TMED10: variants seen among roughly 807,000 people sequenced by gnomAD.
The protein encoded by TMED10 is transmembrane emp24 domain-containing protein 10.
In TMED10, 7 loss-of-function variants were observed where a neutral mutation model predicts 23.1. The ratio of observed to expected loss-of-function variants is 0.30; its 90% CI spans 0.17 to 0.57. The LOEUF is 0.57. Ranked by LOEUF, TMED10 falls within the 20% of genes least tolerant of loss-of-function variation. The pLI, the probability that TMED10 is intolerant of heterozygous loss-of-function variation, is 0.91. For synonymous variants in TMED10, 113 were observed against 106.9 expected (o/e 1.06, Z -0.35); for missense variants, 162 against 274.8 (o/e 0.59, Z 2.90).
chr14:75,134,016 T>C lies in TMED10; in HGVS notation c.*869A>G, dbSNP rs750340136. 4 of 204,870 alleles carry C rather than the reference T, an allele frequency of 2.0e-5. No homozygotes were observed. Among genetic ancestry groups the C allele is most frequent in the Non-Finnish European group, 4.0e-5 (4 of 100,116 alleles). The allele number at this position is 204,870 out of a possible 1,614,324, so 12.7% of individuals were successfully genotyped here. On this transcript the variant is annotated 3_prime_UTR_variant, in exon 5 of 5. Coordinates refer to ENST00000303575, the MANE Select transcript of TMED10 (RefSeq NM_006827.6). ...CCTCGTAAGATTACATTCTGTATGA[T>C]TCCATTCATACAACATTCTTGAAAT...
In TMED10 at chr14:75,151,431, C is replaced by T. The variant is rs150561000; in HGVS notation, c.337+601G>A. Among the ~76,000 whole-genome samples, 1,320 of 152,028 alleles carry T rather than the reference C, an allele frequency of 8.7e-3. 27 individuals carry two copies. The highest frequency in any genetic ancestry group is 0.03 in the African/African-American group (1,257 of 41,458). On this transcript the variant is annotated intron_variant, in intron 2 of 4. Transcript: ENST00000303575. ...ACAGGGTTTCACCATGTTGGCCAGG[C>T]TGGTCTCAAACTCCTAACCTTCAGT...
In TMED10 at chr14:75,166,855, G is replaced by C. The variant is rs979822053; in HGVS notation, c.225+9500C>G. 2.0e-5 allele frequency among the ~76,000 whole-genome samples: 3 copies of C among 151,450 alleles called. No individual in the cohort carries two copies. In the East Asian group the frequency reaches 5.8e-4, roughly 29 times the overall value. On this transcript the variant is annotated intron_variant, in intron 1 of 4. Coordinates refer to ENST00000303575, the MANE Select transcript of TMED10 (RefSeq NM_006827.6). ...GGCCATATTTCTCCCTACAGAAAAA[G>C]TCTGGCATAAGTAAGGGTTCATGGG...
intron 1 of TMED10, among the ~76,000 whole-genome samples, chr14:75,170,404 C>A (rs1156966281): frequency 6.6e-6 from 1 of 152,094 alleles, no homozygotes; most frequent in African/African-American, 2.4e-5. Context: ...AACTAGAATT[C>A]CTTAGAGAAA....
intron 1 of TMED10, among the ~76,000 whole-genome samples, chr14:75,160,821 C>A (rs528675494): frequency 6.6e-6 from 1 of 152,012 alleles, no homozygotes; most frequent in Non-Finnish European, 1.5e-5. Flanking sequence ...TAAGGTGGCA[C>A]GTCATTTGAG....
chr14:75,151,065 C>G (rs991149741), intron 2 of TMED10, among the ~76,000 whole-genome samples: 27 of 151,988 alleles, frequency 1.8e-4, no homozygotes, highest in Admixed American at 6.5e-5. Flanking sequence ...ACCACCACAT[C>G]TGGCTAATTT....
At position 75,166,860 on chromosome 14, in the gene TMED10, G is replaced by A. The variant is rs570343070; in HGVS notation, c.225+9495C>T. Among the ~76,000 whole-genome samples, 7 of 151,954 alleles carry A rather than the reference G, an allele frequency of 4.6e-5. No homozygotes were observed. In the South Asian group the frequency reaches 1.5e-3, roughly 32 times the overall value. On this transcript the variant is annotated intron_variant, in intron 1 of 4. Coordinates refer to ENST00000303575, the MANE Select transcript of TMED10 (RefSeq NM_006827.6). ...TATTTCTCCCTACAGAAAAAGTCTG[G>A]CATAAGTAAGGGTTCATGGGATCGT...
intron 1 of TMED10, among the ~76,000 whole-genome samples, chr14:75,165,403 T>C (rs1222585184): frequency 6.6e-6 from 1 of 152,082 alleles, no homozygotes; most frequent in African/African-American, 2.4e-5. Context: ...AATTTTTGTA[T>C]TTTTAGTAGA....
chr14:75,139,268 A>G, intron 3 of TMED10: 1 of 370,390 alleles, frequency 2.7e-6, no homozygotes, highest in Non-Finnish European at 5.3e-6. Context: ...CCATTTAGTA[A>G]GATCTTTCCA....
At chr14:75,137,850 A>G (rs1192471211) in intron 3 of TMED10, among the ~76,000 whole-genome samples, 1 of 151,892 alleles carries the variant, frequency 6.6e-6, no homozygotes, top group East Asian at 1.9e-4. Context: ...CTGGGATTAC[A>G]GGTGTGTGCC....
intron 1 of TMED10, among the ~76,000 whole-genome samples, chr14:75,165,893 A>C (rs1896154728): frequency 1.3e-5 from 2 of 151,798 alleles, no homozygotes; most frequent in South Asian, 4.2e-4. Flanking sequence ...AGGCACTGGC[A>C]TGATAATGGA....
rs1895961205 is a variant in TMED10, at chr14:75,152,012, A to T, written c.337+20T>A. ...GTTGGAGAAGATTCTTAATCCAGAGAAACACTCTTGATTACTCACCCTTGC... is the reference window on the plus strand; with the variant it reads ...GTTGGAGAAGATTCTTAATCCAGAGTAACACTCTTGATTACTCACCCTTGC... On this transcript the variant is annotated intron_variant, in intron 2 of 4. Coordinates refer to ENST00000303575, the MANE Select transcript of TMED10 (RefSeq NM_006827.6). 1 of 1,588,808 alleles carries T rather than the reference A, an allele frequency of 6.3e-7. No homozygotes were observed. The highest frequency in any genetic ancestry group is 1.3e-5 in the African/African-American group (1 of 74,558).
intron 1 of TMED10, among the ~76,000 whole-genome samples, chr14:75,156,921 GAAAA>G (rs1183135451): frequency 1.4e-5 from 2 of 140,770 alleles, no homozygotes; most frequent in African/African-American, 5.7e-5. Flanking sequence ...TCAAAAAAAA[GAAAA>G]GAAAAGAAAA....
chr14:75,168,904 A>T (rs1027129690), intron 1 of TMED10, among the ~76,000 whole-genome samples: 1 of 152,214 alleles, frequency 6.6e-6, no homozygotes, highest in Non-Finnish European at 1.5e-5. Flanking sequence ...TTTTCATACA[A>T]CTTTTGGTGA....
chr14:75,170,318 T>C (rs368407015), intron 1 of TMED10, among the ~76,000 whole-genome samples: 2 of 152,224 alleles, frequency 1.3e-5, no homozygotes, highest in African/African-American at 4.8e-5. Context: ...ATGTGTTCTG[T>C]GGCTTGCATG....
chr14:75,147,459 G>A (rs1249193456), intron 3 of TMED10: 2 of 609,332 alleles, frequency 3.3e-6, no homozygotes, highest in Non-Finnish European at 5.9e-6. Context: ...CTCCCAAAGT[G>A]CTGGGATTAC....
intron 1 of TMED10, among the ~76,000 whole-genome samples, chr14:75,165,394 A>C (rs528021649): frequency 7.9e-5 from 12 of 152,144 alleles, no homozygotes; most frequent in Admixed American, 2.0e-4. Flanking sequence ...TGCACGGCTA[A>C]TTTTTGTATT....
chr14:75,147,620 C>G, intron 3 of TMED10, 44 bp downstream of exon 3: 2 of 1,603,504 alleles, frequency 1.2e-6, no homozygotes, highest in Non-Finnish European at 1.7e-6. Flanking sequence ...AACCTCACAG[C>G]ATAGCACACT....
Position 75,135,749 on chromosome 14 carries a change from T to C in TMED10, c.538+11A>G. ...GGTCACTTAAGAAGTAAGAGTCGCC[T>C]TCCCCCTCACCGTTGGTATCACGCA... On this transcript the variant is annotated intron_variant, in intron 4 of 4. Transcript: ENST00000303575. 6.2e-7 allele frequency: 1 copy of C among 1,612,270 alleles called. No homozygotes were observed. Among genetic ancestry groups the C allele is most frequent in the East Asian group, 2.2e-5 (1 of 44,842 alleles).
chr14:75,140,452 A>G (rs1935611866), intron 3 of TMED10, among the ~76,000 whole-genome samples: 1 of 152,010 alleles, frequency 6.6e-6, no homozygotes, highest in African/African-American at 2.4e-5. Flanking sequence ...TCACGCCTGT[A>G]ATCTCAGCAC....
Sources: allele counts gnomAD v4.1 joint callset (sites outside exome capture counted in the v4.1 genomes callset), GRCh38; gene constraint gnomAD v4.1.1; transcripts MANE v1.5; gene names NCBI Gene and HGNC (gene_info 2026-07-23, HGNC 2026-07-21).